Variants in SETD5 observed in about 807,000 individuals in gnomAD.
SETD5 encodes the protein histone-lysine N-methyltransferase SETD5.
Under a neutral mutation model 153.3 loss-of-function variants are expected in SETD5, and 44 were observed. The ratio of observed to expected loss-of-function variants is 0.29; its 90% CI spans 0.23 to 0.37. SETD5 has a LOEUF of 0.37. Ranked by LOEUF, SETD5 falls within the 10% of genes least tolerant of loss-of-function variation. SETD5 has a pLI of 1.00. For missense variants in SETD5, 1,544 were observed against 1,768.0 expected, an observed-to-expected ratio of 0.87 and a Z score of 2.27; for synonymous variants, 716 against 645.2, an observed-to-expected ratio of 1.11 and a Z score of -1.66.
intron 18 of SETD5, 149 bp from the exon 19 acceptor site, chr3:9,470,310 G>A: frequency 1.5e-6 from 1 of 657,956 alleles, no homozygotes; most frequent in Middle Eastern, 3.0e-4. Context: ...TGCTACGTGG[G>A]ACTTTTACAG....
At position 9,434,097 on chromosome 3, in the gene SETD5, C is replaced by T; in HGVS notation, c.177+147C>T. On this transcript the variant is annotated intron_variant, in intron 4 of 22. Coordinates refer to ENST00000402198, the MANE Select transcript of SETD5 (RefSeq NM_001080517.3). The surrounding 1 kb of genome is among the most constrained non-coding windows in gnomAD (Gnocchi z 5.6). ...CCCTGACTCCAGCGGACGTCTAGCC[C>T]TGCATCATTGTTCTTGTTTTTATGT... is the stretch of plus-strand genomic sequence containing the variant. The T allele has an allele frequency of 6.4e-7, 1 of 1,564,754 alleles. No homozygotes were observed. The highest frequency in any genetic ancestry group is 1.9e-5 in the Admixed American group (1 of 52,364).
intron 16 of SETD5, among the ~76,000 whole-genome samples, chr3:9,452,297 A>C (rs1482780315): frequency 6.6e-6 from 1 of 152,184 alleles, no homozygotes; most frequent in African/African-American, 2.4e-5. Flanking sequence ...AAAAACTTAA[A>C]GGTGGCCATA....
chr3:9,448,273 A>G, intron 15 of SETD5, 115 bp from the exon 16 acceptor site: 1 of 1,451,468 alleles, frequency 6.9e-7, no homozygotes, highest in Non-Finnish European at 9.2e-7. Flanking sequence ...TGCTCAATTC[A>G]TTCTTACTGC....
chr3:9,430,248 C>G (rs2039804055), intron 3 of SETD5: 1 of 984,798 alleles, frequency 1.0e-6, no homozygotes, highest in Non-Finnish European at 1.2e-6. Context: ...CCTAATATAA[C>G]TTACCTGTTT....
intron 16 of SETD5, among the ~76,000 whole-genome samples, chr3:9,448,999 A>C (rs558479154): frequency 2.7e-4 from 41 of 152,334 alleles, no homozygotes; most frequent in African/African-American, 9.9e-4. Context: ...ATTGTGTGAG[A>C]TTAGGCCCTG....
chr3:9,407,160 T>C (rs141350810), intron 1 of SETD5, among the ~76,000 whole-genome samples: 28 of 152,184 alleles, frequency 1.8e-4, no homozygotes, highest in Middle Eastern at 6.8e-3. Context: ...AAATGCCATT[T>C]CTACTAAAAA....
At chr3:9,436,545 G>GTT (rs1559405672) in intron 7 of SETD5, among the ~76,000 whole-genome samples, 1 of 151,656 alleles carries the variant, frequency 6.6e-6, no homozygotes, top group African/African-American at 2.4e-5. Context: ...CAACTTTAAA[G>GTT]TTTTTTTTTA....
intron 1 of SETD5, chr3:9,423,385 C>G (rs1427651295): frequency 6.6e-6 from 1 of 152,160 alleles, no homozygotes; most frequent in Non-Finnish European, 1.5e-5. Flanking sequence ...GTTTCTGAAT[C>G]CAAGAACTTA....
intron 21 of SETD5, 127 bp downstream of exon 21, chr3:9,474,709 G>A: frequency 7.6e-7 from 1 of 1,312,084 alleles, no homozygotes. Context: ...CGCATGCTAG[G>A]TTCCAGCCCA....
At chr3:9,422,346 T>C (rs566051441) in intron 1 of SETD5, among the ~76,000 whole-genome samples, 20 of 152,198 alleles carry the variant, frequency 1.3e-4, no homozygotes, top group Non-Finnish European at 2.6e-4. Context: ...ACATTGACTT[T>C]TATCTACTTT....
chr3:9,454,090 G>C (rs1653661175), intron 17 of SETD5: 1 of 291,680 alleles, frequency 3.4e-6, no homozygotes, highest in African/African-American at 2.2e-5. Flanking sequence ...AGCAGAAATG[G>C]TTATAAAAAA....
chr3:9,410,237 G>A (rs1051525859), intron 1 of SETD5, among the ~76,000 whole-genome samples: 4 of 152,156 alleles, frequency 2.6e-5, no homozygotes, highest in African/African-American at 9.7e-5. Flanking sequence ...TTGTGTATCT[G>A]AAAATGGAAA....
rs532847999 is a variant in SETD5 at position 9,403,030 on chromosome 3, G to A, written c.-177+5053G>A. On this transcript the variant is annotated intron_variant, in intron 1 of 22. Coordinates refer to ENST00000402198, the MANE Select transcript of SETD5 (RefSeq NM_001080517.3). ...TAGATAAGTGCGGGGCAGGACAAAG[G>A]GCTCTTTGCACAGCAGGGAGGCAAT... 9.2e-5 allele frequency among the ~76,000 whole-genome samples: 14 copies of A among 152,264 alleles called. 1 individual carries two copies. In the East Asian group the frequency reaches 2.5e-3, roughly 27 times the overall value.
Position 9,402,838 on chromosome 3 carries a change from C to G in SETD5, c.-177+4861C>G, listed in dbSNP as rs190914482. 4.6e-5 allele frequency among the ~76,000 whole-genome samples: 7 copies of G among 152,272 alleles called. No homozygotes were observed. The East Asian group carries it at 1.4e-3, about 29-fold the overall frequency. On this transcript the variant is annotated intron_variant, in intron 1 of 22. Coordinates refer to ENST00000402198, the MANE Select transcript of SETD5 (RefSeq NM_001080517.3). The stretch of plus-strand genomic sequence containing the variant: ...GGAGGGGAAAATGCTGAATTTCTTG[C>G]TGCTCTGTTTGAGAAATAGATGGAA...
chr3:9,475,058 T>C lies in SETD5; in HGVS notation c.3632-10T>C. 1 of 1,564,658 alleles carries C rather than the reference T, an allele frequency of 6.4e-7. No homozygotes were observed. Among genetic ancestry groups the C allele is most frequent in the Non-Finnish European group, 8.6e-7 (1 of 1,156,244 alleles). ...CAAGTTGATTTTTTTTTATATATGT[T>C]ACCTTCCAGACCCTGCAGATGGAGA... On this transcript the variant is annotated splice_polypyrimidine_tract_variant and intron_variant, in intron 21 of 22. Transcript: ENST00000402198.
intron 17 of SETD5, among the ~76,000 whole-genome samples, chr3:9,455,168 C>CTTTTTTT (rs903600741): frequency 1.2e-3 from 115 of 99,888 alleles, no homozygotes; most frequent in Non-Finnish European, 1.4e-3. Context: ...TTCTTTTTTT[C>CTTTTTTT]TTTTTTTTTT....
intron 16 of SETD5, among the ~76,000 whole-genome samples, chr3:9,452,478 TTTTG>T (rs944767563): frequency 1.1e-4 from 16 of 152,266 alleles, no homozygotes; most frequent in African/African-American, 3.6e-4. Context: ...GGATTTTTTA[TTTTG>T]TTTTTGTGTT....
chr3:9,401,434 A>G (rs932255914), intron 1 of SETD5, among the ~76,000 whole-genome samples: 4 of 152,298 alleles, frequency 2.6e-5, no homozygotes, highest in East Asian at 1.9e-4. Flanking sequence ...GGCCCTTTTC[A>G]TAGAAGGATT....
chr3:9,430,289 C>T (rs753909994), intron 3 of SETD5: 19 of 984,212 alleles, frequency 1.9e-5, no homozygotes, highest in Non-Finnish European at 2.3e-5. Flanking sequence ...AGACTTAAAG[C>T]TACCCTGAGA....
Sources: allele counts gnomAD v4.1 joint callset (sites outside exome capture counted in the v4.1 genomes callset), GRCh38; gene constraint gnomAD v4.1.1; non-coding constraint Gnocchi (gnomAD v3.1); transcripts MANE v1.5; gene names NCBI Gene and HGNC (gene_info 2026-07-23, HGNC 2026-07-21).